The following RAI14 variants were observed in gnomAD, a reference collection of about 807,000 sequenced individuals.
RAI14 encodes the protein ankycorbin.
RAI14 carries 45 observed loss-of-function variants against 115.4 expected under a neutral mutation model. That is an observed-to-expected ratio of 0.39 (90% CI 0.31 to 0.50). The LOEUF is 0.50. RAI14 is among the 20% of genes least tolerant of loss of function. The pLI, the probability that RAI14 is intolerant of heterozygous loss-of-function variation, is 0.85. For synonymous variants in RAI14, 371 were observed against 415.4 expected (o/e 0.89, Z 1.30); for missense variants, 939 against 1,131.2 (o/e 0.83, Z 2.44).
chr5:34,712,041 C>A (rs1051360673), intron 2 of RAI14, among the ~76,000 whole-genome samples: 3 of 152,002 alleles, frequency 2.0e-5, no homozygotes, highest in Admixed American at 6.6e-5. Flanking sequence ...TTGAGGGAGC[C>A]CCAATTTCAA....
intron 12 of RAI14, among the ~76,000 whole-genome samples, chr5:34,818,318 A>G (rs1756481218): frequency 6.6e-6 from 1 of 152,238 alleles, no homozygotes; most frequent in African/African-American, 2.4e-5. Flanking sequence ...TCCCTTAGAA[A>G]AGTTAATAGT....
chr5:34,719,971 A>G (rs952868364), intron 2 of RAI14, among the ~76,000 whole-genome samples: 2 of 152,206 alleles, frequency 1.3e-5, no homozygotes, highest in African/African-American at 4.8e-5. Context: ...AAAGTTCACC[A>G]ATTACATTGT....
At chr5:34,678,104 G>GTTTT (rs1167105266) in intron 1 of RAI14, among the ~76,000 whole-genome samples, 22 of 57,532 alleles carry the variant, frequency 3.8e-4, no homozygotes, top group African/African-American at 8.1e-4. Context: ...GTTTTGTTTT[G>GTTTT]TTTTTTTTTT....
In RAI14 at chr5:34,757,476, G is replaced by A. The variant is rs199969095; in HGVS notation, c.45G>A (p.Glu15=). ...KAKFRKSDTN[E]WNKNDDRLLQ... ...CTTCTCTTTCTCTACAGACCAATGA[G>A]TGGAACAAGAATGATGACCGGCTAC... is the stretch of plus-strand genomic sequence containing the variant. Residue 15 remains glutamate, a synonymous_variant, in exon 3 of 18, where the codon GAG becomes GAA. Coordinates refer to ENST00000265109, the MANE Select transcript of RAI14 (RefSeq NM_015577.3). 4 of 1,613,580 alleles carry A rather than the reference G, an allele frequency of 2.5e-6. No individual in the cohort carries two copies. The highest frequency in any genetic ancestry group is 1.1e-5 in the South Asian group (1 of 91,054).
intron 13 of RAI14, 56 bp downstream of exon 13, chr5:34,818,907 C>A: frequency 6.6e-7 from 1 of 1,506,444 alleles, no homozygotes. Context: ...ATTTCATGTC[C>A]ATTTAAAGAG....
chr5:34,735,975 T>A (rs1744823401), intron 2 of RAI14, among the ~76,000 whole-genome samples: 1 of 152,276 alleles, frequency 6.6e-6, no homozygotes, highest in South Asian at 2.1e-4. Context: ...GAACTTTTAC[T>A]CAGCAGTTAA....
chr5:34,760,617 A>C (rs1748509504), intron 3 of RAI14, among the ~76,000 whole-genome samples: 1 of 152,228 alleles, frequency 6.6e-6, no homozygotes, highest in Non-Finnish European at 1.5e-5. Flanking sequence ...GTACTTACTA[A>C]AGAGAAGACA....
chr5:34,808,687 A>G (rs757807770), intron 7 of RAI14, 33 bp downstream of exon 7: 1 of 1,596,044 alleles, frequency 6.3e-7, no homozygotes, highest in South Asian at 1.1e-5. Flanking sequence ...AGGCAGAGGT[A>G]GACATTGGTT....
chr5:34,713,117 C>T (rs1395289323), intron 2 of RAI14, among the ~76,000 whole-genome samples: 2 of 152,088 alleles, frequency 1.3e-5, no homozygotes, highest in Non-Finnish European at 2.9e-5. Flanking sequence ...AATCTAAGTG[C>T]CACTTGTACC....
intron 2 of RAI14, among the ~76,000 whole-genome samples, chr5:34,735,538 A>G (rs756175196): frequency 1.3e-5 from 2 of 152,226 alleles, no homozygotes; most frequent in Non-Finnish European, 2.9e-5. Flanking sequence ...ATTACTTGGC[A>G]TTTACAAATG....
At chr5:34,759,043 A>C (rs1471411356) in intron 3 of RAI14, among the ~76,000 whole-genome samples, 2 of 152,098 alleles carry the variant, frequency 1.3e-5, no homozygotes, top group Non-Finnish European at 2.9e-5. Flanking sequence ...GGGTGGAATC[A>C]CTTGAGGTCA....
chr5:34,781,507 C>T (rs958684093), intron 3 of RAI14, among the ~76,000 whole-genome samples: 2 of 152,146 alleles, frequency 1.3e-5, no homozygotes, highest in Non-Finnish European at 2.9e-5. Context: ...CCTCAGAGGG[C>T]TCACTGAGAA....
Position 34,811,803 on chromosome 5 carries a change from T to C in RAI14, c.594T>C (p.Ser198=). The C allele has an allele frequency of 6.2e-7, 1 of 1,613,602 alleles. No homozygotes were observed. ...ALMLACEIGS[S]NAVEALIKKG... is the part of the protein sequence containing the mutation. ...TGCTGGCCTGTGAGATTGGCAGCTC[T>C]AACGCTGTGGAAGCCTTAATTAAAA... Residue 198 remains serine (S), a synonymous_variant, in exon 9 of 18, where the codon TCT becomes TCC. Transcript: ENST00000265109.
chr5:34,753,352 G>C (rs1465478418), intron 2 of RAI14, among the ~76,000 whole-genome samples: 1 of 152,106 alleles, frequency 6.6e-6, no homozygotes, highest in Non-Finnish European at 1.5e-5. Flanking sequence ...GACTTTTTGA[G>C]ATTTTTTTTG....
intron 2 of RAI14, among the ~76,000 whole-genome samples, chr5:34,740,175 C>T (rs1221565676): frequency 6.6e-6 from 1 of 152,142 alleles, no homozygotes; most frequent in African/African-American, 2.4e-5. Flanking sequence ...GTATAGGATG[C>T]CCTGGAAATA....
chr5:34,702,595 C>T (rs959362905), intron 2 of RAI14, among the ~76,000 whole-genome samples: 2 of 152,192 alleles, frequency 1.3e-5, no homozygotes, highest in African/African-American at 4.8e-5. Flanking sequence ...TTATGGACCC[C>T]GTTCACATTA....
At chr5:34,829,027 A>G (rs1159652216) in intron 16 of RAI14, among the ~76,000 whole-genome samples, 1 of 152,078 alleles carries the variant, frequency 6.6e-6, no homozygotes, top group African/African-American at 2.4e-5. Context: ...TAATTCAATA[A>G]CTCTGAGATA....
intron 2 of RAI14, among the ~76,000 whole-genome samples, chr5:34,707,924 G>C (rs181067784): frequency 1.3e-5 from 2 of 152,158 alleles, no homozygotes; most frequent in East Asian, 3.9e-4. Context: ...TCAAAGCTTT[G>C]AAAAAATGGC....
At chr5:34,695,102 G>A (rs748916326) in intron 2 of RAI14, among the ~76,000 whole-genome samples, 13 of 152,242 alleles carry the variant, frequency 8.5e-5, no homozygotes, top group Non-Finnish European at 1.8e-4. Context: ...GTTTCGCCAT[G>A]TTGCCCAGGC....
Sources: gnomAD v4.1 joint callset for allele counts (sites outside exome capture counted in the v4.1 genomes callset) on GRCh38, gnomAD v4.1.1 for gene constraint, MANE v1.5 for transcripts, NCBI Gene and HGNC (gene_info 2026-07-23, HGNC 2026-07-21) for gene names.